The following KCNG3 variants were observed in gnomAD, a reference collection of about 807,000 sequenced individuals.
KCNG3 encodes the protein potassium voltage-gated channel modifier subfamily G member 3.
In KCNG3, 15 loss-of-function variants were observed where a neutral mutation model predicts 29.0. The observed-to-expected ratio is 0.52, with a 90% CI of 0.35 to 0.80. The LOEUF is 0.80. KCNG3 is among the 30% of genes least tolerant of loss of function. KCNG3 has a pLI of 0.01. For synonymous variants in KCNG3, 322 were observed against 248.9 expected, an observed-to-expected ratio of 1.29 and a Z score of -2.76; for missense variants, 512 against 605.7, an observed-to-expected ratio of 0.85 and a Z score of 1.62.
At chr2:42,437,291 A>G (rs1229883093), downstream of KCNG3, among the ~76,000 whole-genome samples, 4 of 152,228 alleles carry the variant, frequency 2.6e-5, no homozygotes, top group African/African-American at 4.8e-5. Flanking sequence ...TTAAATTAAT[A>G]TAAGTCGAAT....
At chr2:42,478,038 C>T (rs1673483658) in intron 1 of KCNG3, among the ~76,000 whole-genome samples, 1 of 151,992 alleles carries the variant, frequency 6.6e-6, no homozygotes. Context: ...AGCCTGGAGC[C>T]TTTACCACAG....
chr2:42,493,503 G>A lies in KCNG3; in HGVS notation c.-2C>T. 2 of 1,374,516 alleles carry A rather than the reference G, an allele frequency of 1.5e-6. No individual in the cohort carries two copies. The highest frequency in any genetic ancestry group is 1.9e-6 in the Non-Finnish European group (2 of 1,071,816). 85.1% of individuals were successfully genotyped at this position (1,374,516 alleles called of 1,614,324 possible). On this transcript the variant is annotated 5_prime_UTR_variant, in exon 1 of 2. Coordinates refer to ENST00000306078, the MANE Select transcript of KCNG3 (RefSeq NM_133329.6). ...CGCCCCGCTGCGCCCGAAGGTCATGGCTGGCCGCCCGGGGGACTTTCGGCC... is the reference window on the plus strand; with the variant it reads ...CGCCCCGCTGCGCCCGAAGGTCATGACTGGCCGCCCGGGGGACTTTCGGCC...
chr2:42,460,271 T>C (rs531661698), intron 1 of KCNG3, among the ~76,000 whole-genome samples: 150 of 150,190 alleles, frequency 1.0e-3, no homozygotes, highest in Admixed American at 2.8e-3. Context: ...GAATTGCCTG[T>C]ACCCAGGAGT....
At chr2:42,478,861 A>G (rs1673507550) in intron 1 of KCNG3, among the ~76,000 whole-genome samples, 1 of 152,032 alleles carries the variant, frequency 6.6e-6, no homozygotes, top group Non-Finnish European at 1.5e-5. Flanking sequence ...AAAATCATAA[A>G]CTTTTAATAC....
the KCNG3 span, among the ~76,000 whole-genome samples, chr2:42,401,912 A>C: frequency 6.6e-6 from 1 of 152,138 alleles, no homozygotes; most frequent in East Asian, 1.9e-4. Context: ...ACAAACAAAC[A>C]AACAAAAAAC....
chr2:42,399,652 A>G, the KCNG3 span, among the ~76,000 whole-genome samples: 4 of 152,236 alleles, frequency 2.6e-5, no homozygotes, highest in African/African-American at 9.6e-5. Context: ...GAATAATTAA[A>G]GGGTAAGAGT....
the KCNG3 span, among the ~76,000 whole-genome samples, chr2:42,397,680 G>C: frequency 8.5e-5 from 13 of 152,316 alleles, no homozygotes; most frequent in South Asian, 2.1e-3. Context: ...ACAATGCTCT[G>C]TGGTTGCTTT....
chr2:42,399,351 G>A, the KCNG3 span, among the ~76,000 whole-genome samples: 12 of 152,154 alleles, frequency 7.9e-5, no homozygotes, highest in African/African-American at 2.7e-4. Flanking sequence ...GAGCCACCGC[G>A]CCCGGCCTGT....
At position 42,452,243 on chromosome 2, in the gene KCNG3, A is replaced by ATATATATATATATATT; in HGVS notation, c.666-7665_666-7664insAATATATATATATATA. On this transcript the variant is annotated intron_variant, in intron 1 of 1. Coordinates refer to ENST00000306078, the MANE Select transcript of KCNG3 (RefSeq NM_133329.6). ...TAAATATATATATATATATATATAT[A>ATATATATATATATATT]TTTTTTTTTTTTTTTTAAAGGAAAC... is the stretch of plus-strand genomic sequence containing the variant. Among the ~76,000 whole-genome samples the ATATATATATATATATT allele has an allele frequency of 2.5e-3, 235 of 95,012 alleles. 2 individuals carry two copies. The highest frequency in any genetic ancestry group is 5.5e-3 in the East Asian group (12 of 2,180). 62.3% of individuals were successfully genotyped at this position (95,012 alleles called of 152,430 possible).
rs373276662 is a variant in KCNG3, at chr2:42,444,024, A to G, written c.1221T>C (p.Phe407=). The G allele has an allele frequency of 1.1e-5, 17 of 1,614,094 alleles. 1 individual carries two copies. In the African/African-American group the frequency reaches 2.0e-4, roughly 19 times the overall value. ...GIVLLALPIT[F]IYHSFVQCYH... is the part of the protein sequence containing the mutation. ...AACACTGCACAAAGCTATGGTAGAT[A>G]AAAGTGATAGGTAATGCCAATAGAA... Residue 407 remains phenylalanine (F), a synonymous_variant, in exon 2 of 2, where the codon TTT becomes TTC. Coordinates refer to ENST00000306078, the MANE Select transcript of KCNG3 (RefSeq NM_133329.6). The surrounding 1 kb of genome is among the most constrained non-coding windows in gnomAD (Gnocchi z 5.8).
chr2:42,390,393 T>TG, the KCNG3 span, among the ~76,000 whole-genome samples: 1 of 152,338 alleles, frequency 6.6e-6, no homozygotes, highest in South Asian at 2.1e-4. Flanking sequence ...TGAGCCATCC[T>TG]GGGTGAAAGA....
the KCNG3 span, among the ~76,000 whole-genome samples, chr2:42,396,981 G>A: frequency 6.6e-6 from 1 of 152,156 alleles, no homozygotes; most frequent in Non-Finnish European, 1.5e-5. Context: ...ATGAGAGGCT[G>A]GGCACGGTGG....
Position 42,493,393 on chromosome 2 carries a change from G to A in KCNG3, c.109C>T (p.Arg37Trp). Residue 37 changes from arginine to tryptophan, a missense_variant, in exon 1 of 2, where the codon CGG (arginine) becomes TGG (tryptophan). Coordinates refer to ENST00000306078, the MANE Select transcript of KCNG3 (RefSeq NM_133329.6). ...CGCTCGGAGCGGCAGCCGTGCAGCCGGCTCACGCGGCGCAGCGGGAAGTCC... is the reference window on the plus strand; with the variant it reads ...CGCTCGGAGCGGCAGCCGTGCAGCCAGCTCACGCGGCGCAGCGGGAAGTCC... ...LKDFPLRRVSRLHGCRSERDV... is the reference protein window; with the variant it reads ...LKDFPLRRVSWLHGCRSERDV... 1 of 1,524,494 alleles carries A rather than the reference G, an allele frequency of 6.6e-7. No individual in the cohort carries two copies. The highest frequency in any genetic ancestry group is 1.3e-5 in the South Asian group (1 of 78,258). 94.4% of individuals were successfully genotyped at this position (1,524,494 alleles called of 1,614,324 possible).
the KCNG3 span, among the ~76,000 whole-genome samples, chr2:42,430,197 T>C: frequency 6.6e-6 from 1 of 150,938 alleles, no homozygotes; most frequent in Non-Finnish European, 1.5e-5. Flanking sequence ...TGAGACCTCA[T>C]CTCTACAAAA....
the KCNG3 span, among the ~76,000 whole-genome samples, chr2:42,399,528 G>A: frequency 6.6e-6 from 1 of 152,070 alleles, no homozygotes; most frequent in Non-Finnish European, 1.5e-5. Flanking sequence ...CTCCCATGCA[G>A]CATTTATTTA....
chr2:42,479,540 G>C (rs563435827), intron 1 of KCNG3, among the ~76,000 whole-genome samples: 13 of 151,898 alleles, frequency 8.6e-5, no homozygotes, highest in African/African-American at 1.9e-4. Context: ...CAGCCACTTG[G>C]GGGGCTGAGG....
the KCNG3 span, among the ~76,000 whole-genome samples, chr2:42,411,505 G>C: frequency 6.6e-6 from 1 of 151,946 alleles, no homozygotes; most frequent in East Asian, 1.9e-4. Context: ...GTTTGAGAGA[G>C]AGAGCCTTAC....
the KCNG3 span, among the ~76,000 whole-genome samples, chr2:42,398,925 C>T: frequency 1.3e-5 from 2 of 152,178 alleles, no homozygotes; most frequent in South Asian, 2.1e-4. Context: ...GGGCAGGAAT[C>T]GCCTCACCCT....
the KCNG3 span, among the ~76,000 whole-genome samples, chr2:42,417,211 C>T: frequency 6.6e-6 from 1 of 152,146 alleles, no homozygotes; most frequent in African/African-American, 2.4e-5. Flanking sequence ...CCACTGCTCT[C>T]CGGCCTGGGC....
Sources: allele counts gnomAD v4.1 joint callset (sites outside exome capture counted in the v4.1 genomes callset), GRCh38; gene constraint gnomAD v4.1.1; non-coding constraint Gnocchi (gnomAD v3.1); transcripts MANE v1.5; gene names NCBI Gene and HGNC (gene_info 2026-07-23, HGNC 2026-07-21).